Variants in HIP1 observed in about 807,000 individuals in gnomAD.
HIP1 encodes huntingtin-interacting protein 1.
In HIP1, 65 loss-of-function variants were observed where a neutral mutation model predicts 147.6. That is an observed-to-expected ratio of 0.44 (90% confidence interval 0.36 to 0.54). The LOEUF is 0.54. HIP1 is among the 20% of genes least tolerant of loss of function. The probability of loss-of-function intolerance (pLI) is 0.00; values close to 1 mark genes in which losing one functional copy is unlikely to be tolerated. For synonymous variants in HIP1, 479 were observed against 504.0 expected, an observed-to-expected ratio of 0.95 and a Z score of 0.67; for missense variants, 1,061 against 1,299.6, an observed-to-expected ratio of 0.82 and a Z score of 2.82.
Position 75,557,347 on chromosome 7 carries a change from C to CA in HIP1, c.1581+306dup, listed in dbSNP as rs1171311564. Reference sequence around the variant, plus strand: ...TCAAAAAACAAACAAACAAAACAAACAAACAAAAAAAAACGCTCATCCCTC... The same window carrying CA: ...TCAAAAAACAAACAAACAAAACAAACAAAACAAAAAAAAACGCTCATCCCTC... On this transcript the variant is annotated intron_variant, in intron 16 of 30. Coordinates refer to ENST00000336926, the MANE Select transcript of HIP1 (RefSeq NM_005338.7). 8.8e-4 allele frequency among the ~76,000 whole-genome samples: 130 copies of CA among 148,480 alleles called. 1 individual carries two copies. The highest frequency in any genetic ancestry group is 1.3e-3 in the African/African-American group (52 of 39,670).
chr7:75,578,607 A>G (rs1795926268), intron 7 of HIP1, among the ~76,000 whole-genome samples: 1 of 152,008 alleles, frequency 6.6e-6, no homozygotes, highest in Non-Finnish European at 1.5e-5. Context: ...GAGCCCCAGA[A>G]GCGGAGGTTG....
At position 75,553,355 on chromosome 7, in the gene HIP1, G is replaced by A. The variant is rs1794859509; in HGVS notation, c.2295+98C>T. ...TTTCTAGAATCAAGTTCTAAGTGCAGAAAGAACTAGCTCAGAACATCACCG... is the reference window on the plus strand; with the variant it reads ...TTTCTAGAATCAAGTTCTAAGTGCAAAAAGAACTAGCTCAGAACATCACCG... On this transcript the variant is annotated intron_variant, in intron 22 of 30. Transcript: ENST00000336926. The A allele has an allele frequency of 2.1e-6, 3 of 1,410,106 alleles. No individual in the cohort carries two copies. In the East Asian group the frequency reaches 6.9e-5, roughly 33 times the overall value. The allele number at this position is 1,410,106 out of a possible 1,614,324, so 87.3% of individuals were successfully genotyped here. A position where few individuals can be genotyped will look rare whatever the true frequency, so the allele number is the denominator to read the frequency against.
chr7:75,657,202 T>C (rs1209004432), intron 1 of HIP1, among the ~76,000 whole-genome samples: 1 of 152,136 alleles, frequency 6.6e-6, no homozygotes, highest in Non-Finnish European at 1.5e-5. Flanking sequence ...GAAAATGCAG[T>C]ACATATACAC....
chr7:75,735,159 G>A (rs1237721603), intron 1 of HIP1, among the ~76,000 whole-genome samples: 2 of 152,176 alleles, frequency 1.3e-5, no homozygotes, highest in Non-Finnish European at 2.9e-5. Context: ...AGGAAACCGA[G>A]GCTTAGAAAG....
At chr7:75,548,722 C>T (rs1794665547) in intron 23 of HIP1, among the ~76,000 whole-genome samples, 169 bp downstream of exon 23, 1 of 152,044 alleles carries the variant, frequency 6.6e-6, no homozygotes, top group South Asian at 2.1e-4. Context: ...AGTGATCCTC[C>T]CAAGGTGCTG....
At chr7:75,636,420 G>C (rs1554509714) in intron 1 of HIP1, among the ~76,000 whole-genome samples, 1 of 152,212 alleles carries the variant, frequency 6.6e-6, no homozygotes, top group African/African-American at 2.4e-5. Context: ...TGCGTAAGCA[G>C]GAGAAACCTC....
intron 22 of HIP1, among the ~76,000 whole-genome samples, chr7:75,549,393 C>T (rs1475860216): frequency 7.5e-6 from 1 of 132,900 alleles, no homozygotes; most frequent in African/African-American, 2.9e-5. Context: ...TTTTTTGAGA[C>T]AGAGTCTCAA....
chr7:75,556,456 A>T (rs1377621092), intron 17 of HIP1, among the ~76,000 whole-genome samples: 1 of 152,062 alleles, frequency 6.6e-6, no homozygotes, highest in Non-Finnish European at 1.5e-5. Flanking sequence ...CTGAGGTGGG[A>T]GGATCACTTG....
At chr7:75,704,221 CTTTTA>C (rs1459217069) in intron 1 of HIP1, among the ~76,000 whole-genome samples, 1 of 152,020 alleles carries the variant, frequency 6.6e-6, no homozygotes, top group Non-Finnish European at 1.5e-5. Flanking sequence ...ACATAACAGC[CTTTTA>C]TTTTATTTTG....
Position 75,685,313 on chromosome 7 carries a change from G to A in HIP1, c.120+53488C>T, listed in dbSNP as rs2117281959. On this transcript the variant is annotated intron_variant, in intron 1 of 30. Transcript: ENST00000336926. ...TGATTTCCATAGTAGTGAAGACAAT[G>A]GACAATTCCAACACCAGGGAACAGG... Among the ~76,000 whole-genome samples, 3 of 152,132 alleles carry A rather than the reference G, an allele frequency of 2.0e-5. 1 individual carries two copies. The East Asian group carries it at 5.8e-4, about 29-fold the overall frequency.
chr7:75,720,366 G>A (rs1460247787), intron 1 of HIP1, among the ~76,000 whole-genome samples: 1 of 151,970 alleles, frequency 6.6e-6, no homozygotes, highest in Non-Finnish European at 1.5e-5. Context: ...TCACCGTGTT[G>A]GTAAGGCTGG....
At chr7:75,549,076 C>T in intron 22 of HIP1, 75 bp from the exon 23 acceptor site, 3 of 1,088,786 alleles carry the variant, frequency 2.8e-6, no homozygotes, top group East Asian at 4.8e-5. Flanking sequence ...GTAACCCTTA[C>T]AAGATGGCAA....
At chr7:75,619,351 C>T (rs1394906884) in intron 1 of HIP1, among the ~76,000 whole-genome samples, 1 of 151,822 alleles carries the variant, frequency 6.6e-6, no homozygotes, top group African/African-American at 2.4e-5. Flanking sequence ...GGTGAAACCC[C>T]ATCTCTACTA....
intron 6 of HIP1, among the ~76,000 whole-genome samples, chr7:75,581,785 C>A (rs1440657206): frequency 6.6e-6 from 1 of 151,920 alleles, no homozygotes; most frequent in African/African-American, 2.4e-5. Context: ...TCTCAAAAAA[C>A]AAAAACAAAA....
At chr7:75,570,276 ATTAG>A (rs1326773082) in intron 8 of HIP1, among the ~76,000 whole-genome samples, 32 of 147,280 alleles carry the variant, frequency 2.2e-4, no homozygotes, top group African/African-American at 8.0e-4. Flanking sequence ...ACACTGGTTA[ATTAG>A]TTGTGACACG....
intron 1 of HIP1, chr7:75,733,399 G>A (rs529943246): frequency 6.6e-6 from 1 of 151,756 alleles, no homozygotes; most frequent in East Asian, 1.9e-4. Flanking sequence ...TTACGGCTGG[G>A]TTTTCTTTTC....
At chr7:75,622,455 C>A (rs1162666111) in intron 1 of HIP1, among the ~76,000 whole-genome samples, 1 of 151,988 alleles carries the variant, frequency 6.6e-6, no homozygotes, top group African/African-American at 2.4e-5. Context: ...AATCCCAGCA[C>A]TTTGGGAGTC....
intron 25 of HIP1, among the ~76,000 whole-genome samples, chr7:75,546,439 G>T (rs891731700): frequency 6.6e-6 from 1 of 152,144 alleles, no homozygotes; most frequent in Admixed American, 6.6e-5. Flanking sequence ...GAGCTGCGGC[G>T]GCATATGGGG....
Position 75,664,136 on chromosome 7 carries a change from G to GTACATACATACATGTATGTGTGTATATT in HIP1, c.121-64917_121-64890dup, listed in dbSNP as rs1799448910. On this transcript the variant is annotated intron_variant, in intron 1 of 30. Transcript: ENST00000336926. ...TATGCATATATGCACACACATGTGT[G>GTACATACATACATGTATGTGTGTATATT]TACATACATACATGTATGTGTGTAT... Among the ~76,000 whole-genome samples the GTACATACATACATGTATGTGTGTATATT allele has an allele frequency of 1.2e-4, 5 of 41,266 alleles. 2 individuals carry two copies. The highest frequency in any genetic ancestry group is 5.6e-4 in the Admixed American group (2 of 3,556). The allele number at this position is 41,266 out of a possible 152,430, so 27.1% of individuals were successfully genotyped here.
Sources: allele counts gnomAD v4.1 joint callset (sites outside exome capture counted in the v4.1 genomes callset), GRCh38; gene constraint gnomAD v4.1.1; transcripts MANE v1.5; gene names NCBI Gene and HGNC (gene_info 2026-07-23, HGNC 2026-07-21).